Variants in WDFY4 observed in about 807,000 individuals in gnomAD.
The protein encoded by WDFY4 is WDFY family member 4.
In WDFY4, 169 loss-of-function variants were observed where a neutral mutation model predicts 351.9. That is an observed-to-expected ratio of 0.48 (90% CI 0.42 to 0.55). The LOEUF (loss-of-function observed/expected upper bound fraction) is 0.55. WDFY4 is among the 20% of genes least tolerant of loss of function. The pLI, the probability that WDFY4 is intolerant of heterozygous loss-of-function variation, is 0.00. For missense variants in WDFY4, 3,803 were observed against 3,935.6 expected (o/e 0.97, Z 0.90); for synonymous variants, 1,622 against 1,574.6 (o/e 1.03, Z -0.71).
chr10:48,896,624 C>T (rs997210337), intron 44 of WDFY4, among the ~76,000 whole-genome samples: 1 of 152,046 alleles, frequency 6.6e-6, no homozygotes, highest in Non-Finnish European at 1.5e-5. Context: ...TGTCCTCATG[C>T]CTTGCCAGCG....
chr10:48,875,656 C>G (rs2069969416), intron 42 of WDFY4, among the ~76,000 whole-genome samples: 1 of 152,202 alleles, frequency 6.6e-6, no homozygotes, highest in Non-Finnish European at 1.5e-5. Context: ...CTCAAGTGAT[C>G]CACCTGCCTT....
chr10:48,892,912 T>C (rs978353881), intron 44 of WDFY4, among the ~76,000 whole-genome samples: 12 of 152,328 alleles, frequency 7.9e-5, no homozygotes, highest in African/African-American at 2.4e-4. Context: ...GTAAGTCCCT[T>C]TCTTAGCTGA....
At chr10:48,718,678 C>A (rs1190396681) in intron 2 of WDFY4, among the ~76,000 whole-genome samples, 3 of 152,208 alleles carry the variant, frequency 2.0e-5, no homozygotes, top group African/African-American at 7.2e-5. Context: ...TCCACTCTGG[C>A]CATTGGTCTG....
In WDFY4 at chr10:48,796,329, C is replaced by T. The variant is rs2066874475; in HGVS notation, c.4289C>T (p.Ser1430Phe). Residue 1430 changes from serine (S) to phenylalanine (F), a missense_variant, in exon 24 of 62, where the codon TCT becomes TTT. Ser to Phe is a radical substitution (Grantham distance 155). Transcript: ENST00000325239. ...GCGTTTCTCCTGAGGAAGAAGGCCT[C>T]TCTCCTGAACCATCGAATTTTTCAG... Reference protein sequence around the residue: ...IMAFLLRKKASLLNHRIFQLI... With the variant: ...IMAFLLRKKAFLLNHRIFQLI... The T allele has an allele frequency of 6.4e-7, 1 of 1,552,114 alleles. No homozygotes were observed. Among genetic ancestry groups the T allele is most frequent in the Non-Finnish European group, 8.7e-7 (1 of 1,147,004 alleles).
Position 48,790,913 on chromosome 10 carries a change from A to T in WDFY4, c.4253A>T (p.Tyr1418Phe). ...TTCCTGATGCAACACATCTGTGGGT[A>T]CCAGGTAATCCCATCCTCCCACCTG... ...CDFLMQHICG[Y>F]QIMAFLLRKK... Residue 1418 changes from tyrosine to phenylalanine, a missense_variant, in exon 23 of 62, where the codon TAC (tyrosine) becomes TTC (phenylalanine). Coordinates refer to ENST00000325239, the MANE Select transcript of WDFY4 (RefSeq NM_001394531.1). 1 of 1,551,706 alleles carries T rather than the reference A, an allele frequency of 6.4e-7. No homozygotes were observed. The highest frequency in any genetic ancestry group is 8.7e-7 in the Non-Finnish European group (1 of 1,146,976).
Position 48,776,975 on chromosome 10 carries a change from A to G in WDFY4, c.3089A>G (p.Glu1030Gly). 1 of 1,552,268 alleles carries G rather than the reference A, an allele frequency of 6.4e-7. No homozygotes were observed. The highest frequency in any genetic ancestry group is 8.7e-7 in the Non-Finnish European group (1 of 1,147,102). Residue 1030 changes from glutamate to glycine, a missense_variant, in exon 16 of 62, where the codon GAA becomes GGA. By Grantham distance (98) the Glu-to-Gly change is moderately conservative. Transcript: ENST00000325239. ...TTTGTGGAATTTGACATGTCCGTGG[A>G]AGGTTATGGGTATGACAGGCTTTCA... ...PSFVEFDMSV[E>G]GYGCLFIPTL...
intron 55 of WDFY4, 117 bp from the exon 56 acceptor site, chr10:48,968,947 G>A: frequency 9.3e-7 from 1 of 1,075,052 alleles, no homozygotes; most frequent in Non-Finnish European, 1.3e-6. Context: ...AGTGGGTGCT[G>A]TCCTTCCATG....
intron 28 of WDFY4, among the ~76,000 whole-genome samples, chr10:48,808,736 A>G (rs146059860): frequency 6.6e-6 from 1 of 152,362 alleles, no homozygotes; most frequent in Non-Finnish European, 1.5e-5. Context: ...GAACTGGAAG[A>G]TGCCTTGGAA....
chr10:48,721,227 C>G (rs370652400), intron 3 of WDFY4, 34 bp from the exon 4 acceptor site: 23 of 1,544,148 alleles, frequency 1.5e-5, no homozygotes, highest in Non-Finnish European at 1.8e-5. Flanking sequence ...GTGGGCAGGT[C>G]GCTGTATGCC....
At chr10:48,931,793 C>T (rs1356824204) in intron 47 of WDFY4, among the ~76,000 whole-genome samples, 1 of 152,240 alleles carries the variant, frequency 6.6e-6, no homozygotes, top group Non-Finnish European at 1.5e-5. Context: ...GAAATCATGA[C>T]TGAAGCACTA....
At chr10:48,929,857 A>T (rs1451601616) in intron 47 of WDFY4, among the ~76,000 whole-genome samples, 2 of 152,156 alleles carry the variant, frequency 1.3e-5, no homozygotes, top group Non-Finnish European at 2.9e-5. Context: ...ATCAGACTTG[A>T]CAACTCTTCT....
At chr10:48,844,896 A>T (rs1031241146) in intron 39 of WDFY4, among the ~76,000 whole-genome samples, 1 of 152,194 alleles carries the variant, frequency 6.6e-6, no homozygotes. Flanking sequence ...TAGGTACATA[A>T]AGAAATCTGA....
intron 19 of WDFY4, among the ~76,000 whole-genome samples, chr10:48,782,129 A>C (rs1376777041): frequency 6.6e-6 from 1 of 152,244 alleles, no homozygotes; most frequent in Non-Finnish European, 1.5e-5. Context: ...AGAGACACGG[A>C]ACAGGGCTGG....
At chr10:48,893,348 G>A (rs1564456183) in intron 44 of WDFY4, among the ~76,000 whole-genome samples, 1 of 152,302 alleles carries the variant, frequency 6.6e-6, no homozygotes, top group East Asian at 1.9e-4. Flanking sequence ...CACAGTGTGA[G>A]GTACTGAGGG....
chr10:48,698,929 AG>A (rs2063404022), intron 1 of WDFY4, among the ~76,000 whole-genome samples: 1 of 152,168 alleles, frequency 6.6e-6, no homozygotes, highest in Admixed American at 6.5e-5. Flanking sequence ...GACTCAGGGA[AG>A]GGTTGCCGTG....
At chr10:48,745,012 A>G (rs1412315926) in intron 12 of WDFY4, among the ~76,000 whole-genome samples, 1 of 151,426 alleles carries the variant, frequency 6.6e-6, no homozygotes, top group Non-Finnish European at 1.5e-5. Context: ...TGTTTCTCCT[A>G]CTGTTTTTGG....
chr10:48,811,501 C>A, intron 29 of WDFY4, 38 bp from the exon 30 acceptor site: 2 of 1,544,242 alleles, frequency 1.3e-6, no homozygotes, highest in Non-Finnish European at 1.8e-6. Flanking sequence ...AGCAGCTGTT[C>A]TCAGCTGACT....
Position 48,966,522 on chromosome 10 carries a change from C to T in WDFY4, c.8437-4C>T. The T allele has an allele frequency of 6.4e-7, 1 of 1,551,836 alleles. No individual in the cohort carries two copies. Among genetic ancestry groups the T allele is most frequent in the Non-Finnish European group, 8.7e-7 (1 of 1,146,936 alleles). ...TCATGTGTGTCTGTTCCCTGTCTCT[C>T]TAGCTCTTTACCAAACCTCACCCAG... On this transcript the variant is annotated splice_polypyrimidine_tract_variant and splice_region_variant and intron_variant, in intron 54 of 61. Coordinates refer to ENST00000325239, the MANE Select transcript of WDFY4 (RefSeq NM_001394531.1).
At chr10:48,789,390 G>A (rs1322171272) in intron 21 of WDFY4, among the ~76,000 whole-genome samples, 1 of 152,188 alleles carries the variant, frequency 6.6e-6, no homozygotes, top group Non-Finnish European at 1.5e-5. Context: ...TCAGGAACTA[G>A]GTCCTGTTGA....
Sources: allele counts gnomAD v4.1 joint callset (sites outside exome capture counted in the v4.1 genomes callset), GRCh38; gene constraint gnomAD v4.1.1; transcripts MANE v1.5; gene names NCBI Gene and HGNC (gene_info 2026-07-23, HGNC 2026-07-21).